Variants in ARNT2 observed in about 807,000 individuals in gnomAD.
ARNT2 encodes the protein ARNT protein 2.
A neutral mutation model predicts 91.7 loss-of-function variants in ARNT2; 36 were observed. The observed-to-expected ratio is 0.39, with a 90% CI of 0.30 to 0.52. The LOEUF is 0.52. Ranked by LOEUF, ARNT2 falls within the 20% of genes least tolerant of loss-of-function variation. The pLI, the probability that ARNT2 is intolerant of heterozygous loss-of-function variation, is 0.72. For missense variants in ARNT2, 775 were observed against 939.3 expected (o/e 0.83, Z 2.29); for synonymous variants, 365 against 347.1 (o/e 1.05, Z -0.57).
At chr15:80,526,830 C>G (rs1025950958) in intron 8 of ARNT2, among the ~76,000 whole-genome samples, 1 of 152,232 alleles carries the variant, frequency 6.6e-6, no homozygotes, top group African/African-American at 2.4e-5. Flanking sequence ...ATGAGCTCAT[C>G]TACAAGAACC....
chr15:80,435,365 A>G (rs1379865913), intron 1 of ARNT2, among the ~76,000 whole-genome samples: 1 of 152,122 alleles, frequency 6.6e-6, no homozygotes. Flanking sequence ...CGGGCATAGT[A>G]ACTTCCTCCT....
chr15:80,532,773 C>T (rs572161460), intron 8 of ARNT2, among the ~76,000 whole-genome samples: 29 of 152,324 alleles, frequency 1.9e-4, no homozygotes, highest in African/African-American at 7.0e-4. Flanking sequence ...CTGATACGTG[C>T]TTTCAAGGGA....
intron 8 of ARNT2, among the ~76,000 whole-genome samples, chr15:80,531,874 A>G (rs1241854118): frequency 1.6e-4 from 25 of 152,248 alleles, no homozygotes; most frequent in Non-Finnish European, 1.2e-4. Flanking sequence ...AGCTGACCCT[A>G]ACGTCTCTCA....
chr15:80,559,321 CCCCAGA>C lies in ARNT2; in HGVS notation c.1165-3761_1165-3756del, dbSNP rs763546068. 5.4e-3 allele frequency among the ~76,000 whole-genome samples: 805 copies of C among 150,206 alleles called. 3 individuals are homozygous for C. Among genetic ancestry groups the C allele is most frequent in the South Asian group, 7.9e-3 (37 of 4,708 alleles). On this transcript the variant is annotated intron_variant, in intron 11 of 18. Transcript: ENST00000303329. ...GAGACAGCAGTGCCGGCAGTCCCAG[CCCCAGA>C]CCCAGCCCCAGCCCCAGCCCCGGCC...
intron 8 of ARNT2, among the ~76,000 whole-genome samples, chr15:80,545,284 C>T (rs761990017): frequency 6.6e-6 from 1 of 152,238 alleles, no homozygotes; most frequent in Non-Finnish European, 1.5e-5. Context: ...ATTCTAGAAT[C>T]ACCTGGTCCT....
intron 1 of ARNT2, among the ~76,000 whole-genome samples, chr15:80,429,877 T>A (rs539092210): frequency 1.2e-4 from 18 of 152,204 alleles, no homozygotes; most frequent in Non-Finnish European, 2.4e-4. Context: ...CCAGATATCA[T>A]GACTGCCCTT....
At chr15:80,437,061 T>C (rs1896098501) in intron 1 of ARNT2, among the ~76,000 whole-genome samples, 1 of 152,158 alleles carries the variant, frequency 6.6e-6, no homozygotes, top group Non-Finnish European at 1.5e-5. Flanking sequence ...TGTTTGCTGG[T>C]CCTTCTTCTC....
At chr15:80,436,157 G>C (rs1228148499) in intron 1 of ARNT2, 1 of 152,308 alleles carries the variant, frequency 6.6e-6, no homozygotes, top group Non-Finnish European at 1.5e-5. Context: ...GGTAGGTGAA[G>C]TCTCAACATC....
At chr15:80,432,508 C>T (rs1048958614) in intron 1 of ARNT2, among the ~76,000 whole-genome samples, 2 of 152,208 alleles carry the variant, frequency 1.3e-5, no homozygotes, top group African/African-American at 4.8e-5. Context: ...CAACCACCCC[C>T]ACTCATTTAT....
At chr15:80,569,078 T>C (rs1469977991) in intron 12 of ARNT2, among the ~76,000 whole-genome samples, 1 of 152,182 alleles carries the variant, frequency 6.6e-6, no homozygotes, top group African/African-American at 2.4e-5. Flanking sequence ...GGGTGGATAT[T>C]ATTAGCCTCC....
intron 6 of ARNT2, among the ~76,000 whole-genome samples, chr15:80,510,654 C>T (rs1456409669): frequency 6.6e-6 from 1 of 151,944 alleles, no homozygotes; most frequent in Non-Finnish European, 1.5e-5. Context: ...CATGGTGAAA[C>T]CCCGTCTCTA....
chr15:80,595,076 G>A lies in ARNT2; in HGVS notation c.*1378G>A, dbSNP rs1348761869. On this transcript the variant is annotated 3_prime_UTR_variant, in exon 19 of 19. Coordinates refer to ENST00000303329, the MANE Select transcript of ARNT2 (RefSeq NM_014862.4). ...TGTGCTTCTCTTGGATTTGAGGAGAGTTTATGAATCCATCCCCCTGTTTTC... is the reference window on the plus strand; with the variant it reads ...TGTGCTTCTCTTGGATTTGAGGAGAATTTATGAATCCATCCCCCTGTTTTC... 1 of 152,412 alleles carries A rather than the reference G, an allele frequency of 6.6e-6. No individual in the cohort carries two copies. Among genetic ancestry groups the A allele is most frequent in the African/African-American group, 2.4e-5 (1 of 41,432 alleles). 9.4% of individuals were successfully genotyped at this position (152,412 alleles called of 1,614,324 possible).
At chr15:80,418,758 C>T (rs1484833011) in intron 1 of ARNT2, among the ~76,000 whole-genome samples, 1 of 152,238 alleles carries the variant, frequency 6.6e-6, no homozygotes. Flanking sequence ...TACCTCCTTA[C>T]CTGGCCCTGC....
intron 11 of ARNT2, chr15:80,556,748 T>C (rs899228372): frequency 4.6e-5 from 7 of 152,254 alleles, no homozygotes; most frequent in African/African-American, 1.7e-4. Context: ...GGCATCATCA[T>C]CTTCATGTTA....
intron 3 of ARNT2, among the ~76,000 whole-genome samples, chr15:80,460,398 C>T (rs1896535127): frequency 1.3e-5 from 2 of 152,224 alleles, no homozygotes; most frequent in Admixed American, 6.5e-5. Flanking sequence ...TTAGATGCAA[C>T]AAAGTAGTAG....
rs74768330 is a variant in ARNT2, at chr15:80,459,017, T to C, written c.194+1041T>C. 8.3e-3 allele frequency among the ~76,000 whole-genome samples: 1,264 copies of C among 152,326 alleles called. 15 individuals carry two copies. Among genetic ancestry groups the C allele is most frequent in the African/African-American group, 0.029 (1,187 of 41,570 alleles). The stretch of plus-strand genomic sequence containing the variant: ...CCCTCATGGTAGCCATTTTTGGTGA[T>C]GATTCCTTTTACAAACTGCATTGCG... On this transcript the variant is annotated intron_variant, in intron 3 of 18. Coordinates refer to ENST00000303329, the MANE Select transcript of ARNT2 (RefSeq NM_014862.4).
intron 1 of ARNT2, among the ~76,000 whole-genome samples, chr15:80,447,587 G>T (rs944011197): frequency 3.3e-5 from 5 of 152,138 alleles, no homozygotes; most frequent in Non-Finnish European, 7.3e-5. Flanking sequence ...CACCTTCTTT[G>T]GATGGACATC....
intron 8 of ARNT2, among the ~76,000 whole-genome samples, chr15:80,527,679 C>T (rs1897659734): frequency 1.3e-5 from 2 of 152,220 alleles, no homozygotes; most frequent in South Asian, 2.1e-4. Context: ...GTCACTCTTA[C>T]CATCTCCATG....
intron 5 of ARNT2, among the ~76,000 whole-genome samples, chr15:80,495,414 T>G (rs1897113148): frequency 6.6e-6 from 1 of 152,270 alleles, no homozygotes; most frequent in African/African-American, 2.4e-5. Flanking sequence ...ATATGAATGC[T>G]AATCTTACAG....
Sources: allele counts gnomAD v4.1 joint callset (sites outside exome capture counted in the v4.1 genomes callset), GRCh38; gene constraint gnomAD v4.1.1; transcripts MANE v1.5; gene names NCBI Gene and HGNC (gene_info 2026-07-23, HGNC 2026-07-21).